OPCML: variants seen among roughly 807,000 people sequenced by gnomAD.
The protein encoded by OPCML is opioid-binding protein/cell adhesion molecule.
In OPCML, 13 loss-of-function variants were observed where a neutral mutation model predicts 37.8. The ratio of observed to expected loss-of-function variants is 0.34; its 90% CI spans 0.22 to 0.55. The LOEUF is 0.55. OPCML is among the 20% of genes least tolerant of loss of function. The probability of loss-of-function intolerance (pLI) is 0.91; values close to 1 mark genes in which losing one functional copy is unlikely to be tolerated. For missense variants in OPCML, 341 were observed against 435.6 expected, an observed-to-expected ratio of 0.78 and a Z score of 1.93; for synonymous variants, 176 against 168.8, an observed-to-expected ratio of 1.04 and a Z score of -0.33.
At chr11:132,551,771 C>T (rs2096382227) in intron 3 of OPCML, among the ~76,000 whole-genome samples, 1 of 152,162 alleles carries the variant, frequency 6.6e-6, no homozygotes, top group African/African-American at 2.4e-5. Flanking sequence ...CCAAATTATC[C>T]TTAAAAACTC....
intron 2 of OPCML, among the ~76,000 whole-genome samples, chr11:132,879,744 G>C (rs1402464574): frequency 6.6e-6 from 1 of 152,114 alleles, no homozygotes; most frequent in Admixed American, 6.5e-5. Flanking sequence ...GACTAGTTCA[G>C]CGTTAATAAA....
intron 3 of OPCML, among the ~76,000 whole-genome samples, chr11:132,592,992 G>C (rs1391304421): frequency 6.6e-6 from 1 of 152,130 alleles, no homozygotes; most frequent in Non-Finnish European, 1.5e-5. Context: ...TCTGGAGAGT[G>C]AGAAATGGAA....
At chr11:133,484,173 T>C (rs1947478467) in intron 1 of OPCML, among the ~76,000 whole-genome samples, 1 of 151,964 alleles carries the variant, frequency 6.6e-6, no homozygotes, top group Non-Finnish European at 1.5e-5. Context: ...GGTAGATAGA[T>C]AGATAGATAG....
intron 1 of OPCML, among the ~76,000 whole-genome samples, chr11:133,378,665 T>C (rs967559848): frequency 6.6e-6 from 1 of 151,334 alleles, no homozygotes; most frequent in South Asian, 2.1e-4. Context: ...TTCTTTTCTT[T>C]CTTTCTTTTC....
At chr11:133,073,284 T>C (rs113979782) in intron 1 of OPCML, among the ~76,000 whole-genome samples, 2 of 152,324 alleles carry the variant, frequency 1.3e-5, no homozygotes, top group African/African-American at 4.8e-5. Context: ...TGAGGGGCTC[T>C]CGGTTTGCAC....
intron 2 of OPCML, among the ~76,000 whole-genome samples, chr11:132,878,056 C>T (rs1459585853): frequency 2.0e-5 from 3 of 152,158 alleles, no homozygotes; most frequent in Non-Finnish European, 2.9e-5. Flanking sequence ...GTGGCACATG[C>T]CTGTAGTTCC....
At chr11:132,691,539 T>A (rs1459628899) in intron 2 of OPCML, among the ~76,000 whole-genome samples, 1 of 152,212 alleles carries the variant, frequency 6.6e-6, no homozygotes, top group Non-Finnish European at 1.5e-5. Flanking sequence ...TTTTAAAATG[T>A]AGGATAAAAG....
chr11:132,570,756 T>C (rs1469495690), intron 3 of OPCML, among the ~76,000 whole-genome samples: 1 of 6,390 alleles, frequency 1.6e-4, no homozygotes, highest in Non-Finnish European at 2.8e-4. Context: ...GGAAAGAGAG[T>C]ATATATATAT....
intron 2 of OPCML, among the ~76,000 whole-genome samples, chr11:132,758,465 T>C (rs1946140741): frequency 6.6e-6 from 1 of 152,174 alleles, no homozygotes; most frequent in African/African-American, 2.4e-5. Context: ...TTGTGTCCTC[T>C]CTTATTTCCT....
chr11:132,510,909 A>G (rs2096267439), intron 4 of OPCML, among the ~76,000 whole-genome samples: 1 of 152,206 alleles, frequency 6.6e-6, no homozygotes, highest in Non-Finnish European at 1.5e-5. Context: ...CTCTAATCAG[A>G]AATTAGACAA....
chr11:132,517,151 A>G (rs1478257539), intron 4 of OPCML, among the ~76,000 whole-genome samples: 2 of 152,208 alleles, frequency 1.3e-5, no homozygotes, highest in Non-Finnish European at 2.9e-5. Context: ...TCAGTTAGAT[A>G]CTGCCCTCTA....
At chr11:133,244,784 C>T (rs953249114) in intron 1 of OPCML, among the ~76,000 whole-genome samples, 14 of 152,218 alleles carry the variant, frequency 9.2e-5, no homozygotes, top group African/African-American at 2.2e-4. Context: ...TTCCTGAGGC[C>T]TCCCCAGCCA....
At chr11:132,898,996 C>T (rs114882808) in intron 2 of OPCML, among the ~76,000 whole-genome samples, 1,930 of 152,158 alleles carry the variant, frequency 0.013, 54 homozygotes, top group African/African-American at 0.044. Flanking sequence ...ACAGGAGATC[C>T]CTTAGGGTGT....
At chr11:132,685,969 G>T (rs911968441) in intron 2 of OPCML, among the ~76,000 whole-genome samples, 1 of 152,178 alleles carries the variant, frequency 6.6e-6, no homozygotes, top group Non-Finnish European at 1.5e-5. Flanking sequence ...CTCTATTATT[G>T]TTCTGGTGGC....
At chr11:133,455,794 A>T (rs1946661667) in intron 1 of OPCML, among the ~76,000 whole-genome samples, 1 of 152,204 alleles carries the variant, frequency 6.6e-6, no homozygotes, top group East Asian at 1.9e-4. Context: ...TCTGAAAACT[A>T]GTCAAAGATC....
chr11:132,425,070 T>C (rs975044888), intron 7 of OPCML, among the ~76,000 whole-genome samples: 1 of 152,126 alleles, frequency 6.6e-6, no homozygotes, highest in Non-Finnish European at 1.5e-5. Flanking sequence ...CATCCTGCAA[T>C]GGAGACGGGC....
intron 1 of OPCML, among the ~76,000 whole-genome samples, chr11:133,124,824 A>C (rs1949475362): frequency 6.6e-6 from 1 of 152,124 alleles, no homozygotes; most frequent in African/African-American, 2.4e-5. Flanking sequence ...TTTGTTCAAA[A>C]CCAGTGTAGG....
intron 1 of OPCML, among the ~76,000 whole-genome samples, chr11:133,144,273 C>T (rs917679274): frequency 3.3e-5 from 5 of 152,264 alleles, no homozygotes; most frequent in Admixed American, 2.0e-4. Flanking sequence ...GACCATGGCA[C>T]TCCCTGCCAC....
In OPCML at chr11:132,418,934, C is replaced by G. The variant is rs1000328404; in HGVS notation, c.*1259G>C. The G allele has an allele frequency of 6.5e-6, 1 of 152,732 alleles. No individual in the cohort carries two copies. Among genetic ancestry groups the G allele is most frequent in the South Asian group, 2.1e-4 (1 of 4,822 alleles). The allele number at this position is 152,732 out of a possible 1,614,324, so 9.5% of individuals were successfully genotyped here. A position where few individuals can be genotyped will look rare whatever the true frequency, so the allele number is the denominator to read the frequency against. On this transcript the variant is annotated 3_prime_UTR_variant, in exon 8 of 8. Coordinates refer to ENST00000524381, the MANE Select transcript of OPCML (RefSeq NM_001012393.5). The stretch of plus-strand genomic sequence containing the variant: ...AACTTTTCTAGGCTGATCTGCTTCC[C>G]AAGAAAGTGTTTTAGAAAACACAGG...
Sources: allele counts gnomAD v4.1 joint callset (sites outside exome capture counted in the v4.1 genomes callset), GRCh38; gene constraint gnomAD v4.1.1; transcripts MANE v1.5; gene names NCBI Gene and HGNC (gene_info 2026-07-23, HGNC 2026-07-21).